The following PCLO variants were observed in gnomAD, a reference collection of about 807,000 sequenced individuals.
The protein encoded by PCLO is piccolo presynaptic cytomatrix protein.
In PCLO, 82 loss-of-function variants were observed where a neutral mutation model predicts 427.5. That is an observed-to-expected ratio of 0.19 (90% confidence interval 0.16 to 0.23). The LOEUF is 0.23. Ranked by LOEUF, PCLO falls within the 10% of genes least tolerant of loss-of-function variation. The pLI is 1.00. For synonymous variants in PCLO, 2,357 were observed against 2,155.4 expected (o/e 1.09, Z -2.59); for missense variants, 6,239 against 6,115.9 (o/e 1.02, Z -0.67).
chr7:83,051,076 G>C (rs1393867407), intron 3 of PCLO, among the ~76,000 whole-genome samples: 1 of 152,056 alleles, frequency 6.6e-6, no homozygotes, highest in Non-Finnish European at 1.5e-5. Flanking sequence ...ACTTGATAAA[G>C]AACTTCTACA....
At chr7:83,094,932 T>C (rs1790494664) in intron 3 of PCLO, among the ~76,000 whole-genome samples, 1 of 152,188 alleles carries the variant, frequency 6.6e-6, no homozygotes, top group South Asian at 2.1e-4. Context: ...TTTCTTATAT[T>C]TGTACCGTCT....
At chr7:82,990,295 C>T (rs6956468) in intron 3 of PCLO, among the ~76,000 whole-genome samples, 3,544 of 152,180 alleles carry the variant, frequency 0.023, 146 homozygotes, top group African/African-American at 0.081. Context: ...ACTAACTAAA[C>T]CATAGAAACA....
chr7:82,784,883 A>G (rs996923384), intron 22 of PCLO, among the ~76,000 whole-genome samples: 14 of 152,140 alleles, frequency 9.2e-5, no homozygotes, highest in African/African-American at 2.4e-4. Context: ...TGACAGTTGC[A>G]TGGTATTCCA....
intron 1 of PCLO, among the ~76,000 whole-genome samples, chr7:83,161,419 T>C (rs1473133033): frequency 6.6e-6 from 1 of 152,164 alleles, no homozygotes; most frequent in African/African-American, 2.4e-5. Context: ...AGGGTTTGTT[T>C]ACAGTAAGAA....
intron 20 of PCLO, among the ~76,000 whole-genome samples, chr7:82,809,332 T>C (rs773561096): frequency 6.6e-6 from 1 of 151,766 alleles, no homozygotes; most frequent in African/African-American, 2.4e-5. Flanking sequence ...CTCCCTTTGG[T>C]TTGGCTTTTT....
At chr7:82,931,178 C>T (rs1794831662) in intron 6 of PCLO, among the ~76,000 whole-genome samples, 1 of 152,066 alleles carries the variant, frequency 6.6e-6, no homozygotes, top group Non-Finnish European at 1.5e-5. Flanking sequence ...AGGCCCAGTA[C>T]TATTATTACC....
At position 83,134,577 on chromosome 7, in the gene PCLO, T is replaced by G. The variant is rs781528125; in HGVS notation, c.2973A>C (p.Ala991=). Residue 991 remains alanine (A), a synonymous_variant, in exon 3 of 25, where the codon GCA becomes GCC. Transcript: ENST00000333891. ...TTTCCTTTTTCACAGGTATACTTTT[T>G]GCAGGTGCTGGTGGTGCTTGACCTG... ...KSTGQAPPAP[A]KSIPVKKETK... 3.7e-6 allele frequency: 6 copies of G among 1,613,984 alleles called. No homozygotes were observed. The South Asian group carries it at 5.5e-5, about 15-fold the overall frequency.
chr7:82,977,060 G>A (rs117768547), intron 3 of PCLO, among the ~76,000 whole-genome samples: 4,133 of 151,866 alleles, frequency 0.027, 93 homozygotes, highest in Non-Finnish European at 0.043. Flanking sequence ...ATAAAAATTC[G>A]AAAAAATTTT....
intron 22 of PCLO, among the ~76,000 whole-genome samples, chr7:82,790,589 C>T (rs2129468395): frequency 6.6e-6 from 1 of 152,272 alleles, no homozygotes; most frequent in Admixed American, 6.5e-5. Context: ...CCTTAATATT[C>T]AATATACATT....
At chr7:82,820,720 A>G in intron 20 of PCLO, 2 of 1,231,348 alleles carry the variant, frequency 1.6e-6, no homozygotes, top group Non-Finnish European at 2.0e-6. Context: ...AATAGGCAAA[A>G]AACACTGATC....
At chr7:83,139,408 C>T (rs1791810280) in intron 2 of PCLO, among the ~76,000 whole-genome samples, 1 of 152,116 alleles carries the variant, frequency 6.6e-6, no homozygotes, top group South Asian at 2.1e-4. Flanking sequence ...AGCCAGTATG[C>T]CCTAACATTA....
At position 83,156,346 on chromosome 7, in the gene PCLO, G is replaced by C. The variant is rs146681103; in HGVS notation, c.295C>G (p.Pro99Ala). The C allele has an allele frequency of 2.5e-6, 4 of 1,611,876 alleles. No individual in the cohort carries two copies. In the East Asian group the frequency reaches 8.9e-5, roughly 36 times the overall value. ...TGAGCTGGACGCCCAGGGTCCGGGGGTCTTCCTGATTGCTTTGGAGGATGA... is the reference window on the plus strand; with the variant it reads ...TGAGCTGGACGCCCAGGGTCCGGGGCTCTTCCTGATTGCTTTGGAGGATGA... ...SSHPPKQSGR[P>A]PDPGRPAQPG... is the part of the protein sequence containing the mutation. The change falls in exon 2 of 25, where the codon CCC becomes GCC. Residue 99 changes from proline to alanine, a missense_variant. By Grantham distance (27) the Pro-to-Ala change is conservative. Coordinates refer to ENST00000333891, the MANE Select transcript of PCLO (RefSeq NM_033026.6).
At chr7:83,006,639 C>T (rs1787952940) in intron 3 of PCLO, among the ~76,000 whole-genome samples, 1 of 151,376 alleles carries the variant, frequency 6.6e-6, no homozygotes, top group Admixed American at 6.6e-5. Flanking sequence ...TCCTTCTTTT[C>T]ATTTCAATTA....
chr7:83,056,153 A>G (rs992047678), intron 3 of PCLO, among the ~76,000 whole-genome samples: 7 of 152,134 alleles, frequency 4.6e-5, no homozygotes, highest in Non-Finnish European at 7.4e-5. Flanking sequence ...TGGGCCTCAC[A>G]CCTCAGACTG....
chr7:82,930,603 T>C (rs2116337071), intron 6 of PCLO, among the ~76,000 whole-genome samples: 1 of 152,292 alleles, frequency 6.6e-6, no homozygotes, highest in Admixed American at 6.5e-5. Context: ...TCAAAGAGGT[T>C]ATAATAGAAT....
At chr7:82,927,105 G>A (rs983380107) in intron 6 of PCLO, among the ~76,000 whole-genome samples, 16 of 152,028 alleles carry the variant, frequency 1.1e-4, no homozygotes, top group Non-Finnish European at 2.4e-4. Context: ...AGTTCAAGAG[G>A]AGCATTCACA....
chr7:82,824,158 T>C (rs1791869244), intron 19 of PCLO, 78 bp downstream of exon 19: 2 of 957,568 alleles, frequency 2.1e-6, no homozygotes. Flanking sequence ...AGGTTAAATG[T>C]ACAAACATTC....
At chr7:82,962,017 A>G (rs1365211429) in intron 4 of PCLO, among the ~76,000 whole-genome samples, 1 of 152,226 alleles carries the variant, frequency 6.6e-6, no homozygotes. Context: ...ATCAGTTTTC[A>G]TAACAAGGTG....
Position 82,956,905 on chromosome 7 carries a change from T to C in PCLO, c.4048A>G (p.Ser1350Gly). ...EKEDDKSDTS[S>G]SQQPKSPQGL... ...TGGGGGCTTTTAGGCTGCTGAGAAC[T>C]TGAGGTGTCTGATTTGTCATCTTCC... Residue 1350 changes from serine (S) to glycine (G), a missense_variant, in exon 5 of 25, where the codon AGT becomes GGT. Physicochemically the swap from Ser to Gly is moderately conservative, Grantham distance 56. Transcript: ENST00000333891. The C allele has an allele frequency of 6.2e-7, 1 of 1,607,794 alleles. No individual in the cohort carries two copies. The highest frequency in any genetic ancestry group is 8.5e-7 in the Non-Finnish European group (1 of 1,177,534).
Sources: allele counts gnomAD v4.1 joint callset (sites outside exome capture counted in the v4.1 genomes callset), GRCh38; gene constraint gnomAD v4.1.1; transcripts MANE v1.5; gene names NCBI Gene and HGNC (gene_info 2026-07-23, HGNC 2026-07-21).